Variants in CYLC2 observed in about 807,000 individuals in gnomAD.
The protein encoded by CYLC2 is cylicin-2.
A neutral mutation model predicts 26.1 loss-of-function variants in CYLC2; 30 were observed. That is an observed-to-expected ratio of 1.15 (90% CI 0.86 to 1.56). The LOEUF is 1.56. CYLC2 is among the 40% of genes most tolerant of loss of function. The pLI, the probability that CYLC2 is intolerant of heterozygous loss-of-function variation, is 0.00. For missense variants in CYLC2, 498 were observed against 394.4 expected, an observed-to-expected ratio of 1.26 and a Z score of -2.23; for synonymous variants, 158 against 132.8, an observed-to-expected ratio of 1.19 and a Z score of -1.31.
At chr9:103,003,721 G>A (rs1829312197) in intron 3 of CYLC2, among the ~76,000 whole-genome samples, 1 of 151,928 alleles carries the variant, frequency 6.6e-6, no homozygotes, top group South Asian at 2.1e-4. Flanking sequence ...TTTCCAAGGA[G>A]CACAAAATTA....
intron 4 of CYLC2, 54 bp downstream of exon 4, chr9:103,004,905 C>T: frequency 1.3e-6 from 2 of 1,571,778 alleles, no homozygotes; most frequent in Admixed American, 2.1e-5. Context: ...GATTAGATTT[C>T]TATTAGAATT....
intron 6 of CYLC2, among the ~76,000 whole-genome samples, chr9:103,013,803 ATAT>A (rs1242740219): frequency 1.4e-4 from 14 of 103,192 alleles, no homozygotes; most frequent in African/African-American, 3.8e-4. Flanking sequence ...TTTATATTAT[ATAT>A]TATTATGTAT....
chr9:103,016,961 T>C lies in CYLC2; in HGVS notation c.*890T>C, dbSNP rs565892243. On this transcript the variant is annotated splice_region_variant and 3_prime_UTR_variant, in exon 7 of 8. Coordinates refer to ENST00000374798, the MANE Select transcript of CYLC2 (RefSeq NM_001340.5). The stretch of plus-strand genomic sequence containing the variant: ...GAAAGGTTACCCTAGAAACAAAAGA[T>C]GTAAGTAAACTGAAATTTACCCTTA... 1 of 152,094 alleles carries C rather than the reference T, an allele frequency of 6.6e-6. No homozygotes were observed. The highest frequency in any genetic ancestry group is 2.1e-4 in the South Asian group (1 of 4,830). 9.4% of individuals were successfully genotyped at this position (152,094 alleles called of 1,614,324 possible).
rs1311830387 is a variant in CYLC2 at position 103,005,834 on chromosome 9, G to C, written c.*156G>C. The C allele has an allele frequency of 1.7e-5, 13 of 771,718 alleles. No homozygotes were observed. The highest frequency in any genetic ancestry group is 2.4e-5 in the Non-Finnish European group (12 of 492,170). 47.8% of individuals were successfully genotyped at this position (771,718 alleles called of 1,614,324 possible). On this transcript the variant is annotated 3_prime_UTR_variant, in exon 5 of 8. Coordinates refer to ENST00000374798, the MANE Select transcript of CYLC2 (RefSeq NM_001340.5). ...AAAGAAGGATACAAAGGAGAACTCA[G>C]CAGAGATTTATAAAAATATATAAGA...
chr9:103,009,252 T>C (rs1222360253), intron 5 of CYLC2, among the ~76,000 whole-genome samples: 1 of 152,160 alleles, frequency 6.6e-6, no homozygotes, highest in Non-Finnish European at 1.5e-5. Flanking sequence ...TTGCCCAGGC[T>C]GAGGTACAAT....
chr9:102,998,497 G>A lies in CYLC2; in HGVS notation c.18-3081G>A, dbSNP rs10119363. Among the ~76,000 whole-genome samples, 680 of 152,002 alleles carry A rather than the reference G, an allele frequency of 4.5e-3. 6 individuals are homozygous for A. The highest frequency in any genetic ancestry group is 0.016 in the African/African-American group (649 of 41,514). On this transcript the variant is annotated intron_variant, in intron 1 of 7. Coordinates refer to ENST00000374798, the MANE Select transcript of CYLC2 (RefSeq NM_001340.5). Reference sequence around the variant, plus strand: ...GTACCAGAGAGGAAAGGAAAGAGATGCTCTCACCAGCAAAGCCAGACTTAA... The same window carrying A: ...GTACCAGAGAGGAAAGGAAAGAGATACTCTCACCAGCAAAGCCAGACTTAA...
At position 103,004,951 on chromosome 9, in the gene CYLC2, T is replaced by A. The variant is rs779310490; in HGVS notation, c.338-18T>A. 6.3e-7 allele frequency: 1 copy of A among 1,577,028 alleles called. No individual in the cohort carries two copies. Among genetic ancestry groups the A allele is most frequent in the Non-Finnish European group, 8.6e-7 (1 of 1,168,612 alleles). ...TGGATTTTCCCATTTTAAGAAATAT[T>A]TGAATATTTATCCCCAGAAATTGGT... On this transcript the variant is annotated intron_variant, in intron 4 of 7. Coordinates refer to ENST00000374798, the MANE Select transcript of CYLC2 (RefSeq NM_001340.5).
chr9:103,002,581 T>C (rs1290034568), intron 2 of CYLC2, among the ~76,000 whole-genome samples: 3 of 151,954 alleles, frequency 2.0e-5, no homozygotes, highest in Non-Finnish European at 1.5e-5. Flanking sequence ...CTCGATCTCC[T>C]GACCTCGTGA....
Position 103,013,356 on chromosome 9 carries a change from A to G in CYLC2, c.*816+1259A>G, listed in dbSNP as rs1310086092. On this transcript the variant is annotated intron_variant, in intron 6 of 7. Transcript: ENST00000374798. ...TTAATATATTATATAAATATATATTATATAAATATATATTTAATATATTAT... is the reference window on the plus strand; with the variant it reads ...TTAATATATTATATAAATATATATTGTATAAATATATATTTAATATATTAT... Among the ~76,000 whole-genome samples, 204 of 92,034 alleles carry G rather than the reference A, an allele frequency of 2.2e-3. 5 individuals carry two copies. The highest frequency in any genetic ancestry group is 8.5e-3 in the African/African-American group (197 of 23,274). The allele number at this position is 92,034 out of a possible 152,430, so 60.4% of individuals were successfully genotyped here. A position where few individuals can be genotyped will look rare whatever the true frequency, so the allele number is the denominator to read the frequency against.
chr9:102,995,951 T>C (rs879461004), intron 1 of CYLC2, among the ~76,000 whole-genome samples: 12 of 151,900 alleles, frequency 7.9e-5, no homozygotes, highest in Non-Finnish European at 1.3e-4. Flanking sequence ...TGAGAAGTTA[T>C]ATGACAGTAG....
rs559736161 is a variant in CYLC2, at chr9:103,011,817, C to T, written c.*701-165C>T. ...TGCATAATTTTTATACAAAGTTTGG[C>T]CTCTTTAGAAAGTGAGAGTCCAGGA... On this transcript the variant is annotated intron_variant, in intron 5 of 7. Coordinates refer to ENST00000374798, the MANE Select transcript of CYLC2 (RefSeq NM_001340.5). 2.6e-5 allele frequency among the ~76,000 whole-genome samples: 4 copies of T among 151,996 alleles called. No individual in the cohort carries two copies. The South Asian group carries it at 8.3e-4, about 32-fold the overall frequency.
rs1829513320 is a variant in CYLC2 at position 103,016,925 on chromosome 9, T to C, written c.*854T>C. 1 of 152,012 alleles carries C rather than the reference T, an allele frequency of 6.6e-6. No individual in the cohort carries two copies. Among genetic ancestry groups the C allele is most frequent in the Non-Finnish European group, 1.5e-5 (1 of 67,980 alleles). 9.4% of individuals were successfully genotyped at this position (152,012 alleles called of 1,614,324 possible). A position where few individuals can be genotyped will look rare whatever the true frequency, so the allele number is the denominator to read the frequency against. Reference sequence around the variant, plus strand: ...GCTGGCATTTCTTGCTGGAGAAAGTTATCACAAGTGGAAAGGTTACCCTAG... The same window carrying C: ...GCTGGCATTTCTTGCTGGAGAAAGTCATCACAAGTGGAAAGGTTACCCTAG... On this transcript the variant is annotated 3_prime_UTR_variant, in exon 7 of 8. Transcript: ENST00000374798.
At chr9:103,014,452 A>AAT (rs370611421) in intron 6 of CYLC2, among the ~76,000 whole-genome samples, 1,743 of 128,212 alleles carry the variant, frequency 0.014, 12 homozygotes, top group Middle Eastern at 0.025. Flanking sequence ...TAATATACAT[A>AAT]ATGTATATTA....
intron 6 of CYLC2, among the ~76,000 whole-genome samples, chr9:103,016,523 G>T (rs772108468): frequency 1.8e-4 from 27 of 151,968 alleles, no homozygotes; most frequent in Non-Finnish European, 3.8e-4. Flanking sequence ...TCTATTTTCT[G>T]CTATTTACTA....
At chr9:103,002,365 T>TCCC (rs1829297321) in intron 2 of CYLC2, among the ~76,000 whole-genome samples, 1 of 131,888 alleles carries the variant, frequency 7.6e-6, no homozygotes, top group East Asian at 2.2e-4. Context: ...CCCTTTTTTT[T>TCCC]TTTTTTTTTT....
intron 6 of CYLC2, among the ~76,000 whole-genome samples, chr9:103,013,885 A>C (rs551082244): frequency 2.6e-5 from 3 of 113,802 alleles, no homozygotes; most frequent in South Asian, 5.6e-4. Flanking sequence ...ACATATAATA[A>C]ATAATATATT....
intron 3 of CYLC2, 102 bp downstream of exon 3, chr9:103,003,365 G>C: frequency 9.5e-7 from 1 of 1,053,556 alleles, no homozygotes; most frequent in Non-Finnish European, 1.3e-6. Context: ...TAATCACTAA[G>C]TAGTAAGCTT....
At chr9:103,014,631 T>TACATCATATGTATATTATGCAGTAC (rs1564101290) in intron 6 of CYLC2, among the ~76,000 whole-genome samples, 32 of 141,906 alleles carry the variant, frequency 2.3e-4, no homozygotes, top group African/African-American at 7.7e-4. Flanking sequence ...TTATGCAGTA[T>TACATCATATGTATATTATGCAGTAC]ACATCATATG....
At chr9:103,000,241 A>G (rs1829275585) in intron 1 of CYLC2, among the ~76,000 whole-genome samples, 1 of 151,918 alleles carries the variant, frequency 6.6e-6, no homozygotes, top group Non-Finnish European at 1.5e-5. Context: ...TCAAATATTT[A>G]TATATTGTCT....
Sources: gnomAD v4.1 joint callset for allele counts (sites outside exome capture counted in the v4.1 genomes callset) on GRCh38, gnomAD v4.1.1 for gene constraint, MANE v1.5 for transcripts, NCBI Gene and HGNC (gene_info 2026-07-23, HGNC 2026-07-21) for gene names.